Variants in PSMD7 observed in about 807,000 individuals in gnomAD.
PSMD7 encodes the protein 26S proteasome non-ATPase regulatory subunit 7.
In PSMD7, 13 loss-of-function variants were observed where a neutral mutation model predicts 36.4. The observed-to-expected ratio is 0.36, with a 90% confidence interval of 0.23 to 0.57. PSMD7 has a LOEUF of 0.57. Among genes scored for constraint, PSMD7 ranks in the 20% least tolerant of loss-of-function variants. PSMD7 has a pLI of 0.83. For synonymous variants in PSMD7, 186 were observed against 151.0 expected (o/e 1.23, Z -1.70); for missense variants, 298 against 393.6 (o/e 0.76, Z 2.06).
At chr16:74,299,365 A>T (rs1486748454) in intron 1 of PSMD7, among the ~76,000 whole-genome samples, 1 of 151,922 alleles carries the variant, frequency 6.6e-6, no homozygotes, top group Non-Finnish European at 1.5e-5. Flanking sequence ...AATCTTTCTC[A>T]TTCAGTCCTC....
At chr16:74,299,464 C>T (rs2034138844) in intron 1 of PSMD7, 1 of 406,108 alleles carries the variant, frequency 2.5e-6, no homozygotes, top group Non-Finnish European at 5.1e-6. Context: ...GCCTCAAACT[C>T]GACCTTCTGA....
In PSMD7 at chr16:74,305,854, C is replaced by A; in HGVS notation, c.*121C>A. The A allele has an allele frequency of 1.7e-6, 2 of 1,164,680 alleles. No individual in the cohort carries two copies. Among genetic ancestry groups the A allele is most frequent in the Non-Finnish European group, 2.3e-6 (2 of 888,880 alleles). The allele number at this position is 1,164,680 out of a possible 1,614,324, so 72.1% of individuals were successfully genotyped here. On this transcript the variant is annotated 3_prime_UTR_variant, in exon 7 of 7. Coordinates refer to ENST00000219313, the MANE Select transcript of PSMD7 (RefSeq NM_002811.5). ...TTAGAAAGCTGACCCAACAAGAGCT[C>A]TCTGCCTCCGGTCACTCTTGCTGTG...
intron 1 of PSMD7, among the ~76,000 whole-genome samples, chr16:74,298,806 A>G (rs1452928047): frequency 6.6e-6 from 1 of 152,144 alleles, no homozygotes; most frequent in Non-Finnish European, 1.5e-5. Context: ...TCTGAGAGGT[A>G]GAGGCTGCAG....
intron 2 of PSMD7, 115 bp from the exon 3 acceptor site, chr16:74,300,937 T>C: frequency 1.8e-6 from 1 of 542,426 alleles, no homozygotes; most frequent in Non-Finnish European, 3.2e-6. Context: ...TTTAATACTT[T>C]GCTGGGCAAG....
intron 2 of PSMD7, 155 bp downstream of exon 2, chr16:74,300,361 C>T (rs540482495): frequency 1.5e-6 from 1 of 665,022 alleles, no homozygotes; most frequent in African/African-American, 1.8e-5. Flanking sequence ...GCACACTAGA[C>T]CAGACAGTAA....
At chr16:74,301,733 G>C in intron 4 of PSMD7, 81 bp downstream of exon 4, 1 of 1,152,574 alleles carries the variant, frequency 8.7e-7, no homozygotes, top group Non-Finnish European at 1.3e-6. Flanking sequence ...GGAAGAATTT[G>C]AGTAGCAAAT....
In PSMD7 at chr16:74,305,500, G is replaced by A. The variant is rs2142566680; in HGVS notation, c.742G>A (p.Ala248Thr). The A allele has an allele frequency of 2.5e-6, 4 of 1,614,108 alleles. No individual in the cohort carries two copies. In the South Asian group the frequency reaches 3.3e-5, roughly 13 times the overall value. The change falls in exon 7 of 7, where the codon GCC (alanine) becomes ACC (threonine). Residue 248 changes from alanine to threonine, a missense_variant. Ala to Thr is a moderately conservative substitution (Grantham distance 58). Coordinates refer to ENST00000219313, the MANE Select transcript of PSMD7 (RefSeq NM_002811.5). ...TGTCAGCCTGCAGGAGTTCGTCAAG[G>A]CCTTTTACCTGAAGACCAATGACCA... ...PDVSLQEFVK[A>T]FYLKTNDQMV...
At chr16:74,299,586 T>C (rs1252458058) in intron 1 of PSMD7, 1 of 454,964 alleles carries the variant, frequency 2.2e-6, no homozygotes, top group Non-Finnish European at 4.4e-6. Flanking sequence ...GGTTTCGCCA[T>C]GTTGCCCACG....
At chr16:74,300,048 T>C in intron 1 of PSMD7, 67 bp from the exon 2 acceptor site, 1 of 1,318,714 alleles carries the variant, frequency 7.6e-7, no homozygotes, top group Non-Finnish European at 1.1e-6. Context: ...TCCCATTGAG[T>C]ATCTTATTGT....
At chr16:74,297,359 C>T (rs1320523166) in intron 1 of PSMD7, among the ~76,000 whole-genome samples, 1 of 149,910 alleles carries the variant, frequency 6.7e-6, no homozygotes, top group Non-Finnish European at 1.5e-5. Flanking sequence ...GTGTCTGTCA[C>T]TTCGTTTTGA....
At position 74,302,347 on chromosome 16, in the gene PSMD7, A is replaced by C. The variant is rs1054807895; in HGVS notation, c.438+55A>C. 5.7e-6 allele frequency: 8 copies of C among 1,396,500 alleles called. No homozygotes were observed. In the Admixed American group the frequency reaches 6.2e-5, roughly 11 times the overall value. The allele number at this position is 1,396,500 out of a possible 1,614,324, so 86.5% of individuals were successfully genotyped here. The stretch of plus-strand genomic sequence containing the variant: ...TTAGACTGCTACTTATTGGGTGATT[A>C]GCTTTTTTTTTTCAATTTTCAGGTC... On this transcript the variant is annotated intron_variant, in intron 5 of 6. Transcript: ENST00000219313.
intron 1 of PSMD7, among the ~76,000 whole-genome samples, chr16:74,298,689 C>A (rs1227126185): frequency 1.3e-5 from 2 of 151,988 alleles, no homozygotes; most frequent in Admixed American, 6.6e-5. Context: ...ATGGTGAAAC[C>A]CCTTCTCTAC....
At chr16:74,304,208 A>G in intron 5 of PSMD7, 95 bp from the exon 6 acceptor site, 1 of 1,078,696 alleles carries the variant, frequency 9.3e-7, no homozygotes, top group Non-Finnish European at 1.4e-6. Context: ...TCATTAAATG[A>G]GCTGACTTAA....
rs764226241 is a variant in PSMD7 at position 74,301,636 on chromosome 16, G to T, written c.341G>T (p.Arg114Ile). The change falls in exon 4 of 7, where the codon AGA (arginine) becomes ATA (isoleucine). Residue 114 changes from arginine to isoleucine, a missense_variant. Transcript: ENST00000219313. ...ATTGCCATCAACGAACTCATGAAAA[G>T]ATACTGTCCTAATTCCGTAAGTGGT... ...NDIAINELMK[R>I]YCPNSVLVII... 5.0e-6 allele frequency: 8 copies of T among 1,611,474 alleles called. No homozygotes were observed. The highest frequency in any genetic ancestry group is 4.5e-5 in the East Asian group (2 of 44,868).
chr16:74,300,372 A>T, intron 2 of PSMD7, 166 bp downstream of exon 2: 1 of 646,792 alleles, frequency 1.5e-6, no homozygotes, highest in South Asian at 1.9e-5. Context: ...CAGACAGTAA[A>T]TATTTTAAAC....
chr16:74,297,431 G>T (rs2034122378), intron 1 of PSMD7, among the ~76,000 whole-genome samples: 1 of 152,054 alleles, frequency 6.6e-6, no homozygotes, highest in South Asian at 2.1e-4. Context: ...AGCTTCATTT[G>T]GCTCTGACCC....
intron 1 of PSMD7, among the ~76,000 whole-genome samples, chr16:74,298,141 G>A (rs1392035462): frequency 1.5e-5 from 2 of 136,554 alleles, no homozygotes; most frequent in Non-Finnish European, 3.1e-5. Flanking sequence ...CTGGGTGAGA[G>A]TGAGACCCTG....
rs944250508 is a variant in PSMD7, at chr16:74,305,945, G to A, written c.*212G>A. 2.4e-5 allele frequency: 10 copies of A among 421,224 alleles called. No homozygotes were observed. Among genetic ancestry groups the A allele is most frequent in the Non-Finnish European group, 3.6e-5 (9 of 251,636 alleles). The allele number at this position is 421,224 out of a possible 1,614,324, so 26.1% of individuals were successfully genotyped here. ...ACTGCAGCTTTCGCTGCTGTGAGTT[G>A]GGGATATGATAGTCAGCTCAGGCTT... On this transcript the variant is annotated 3_prime_UTR_variant, in exon 7 of 7. Coordinates refer to ENST00000219313, the MANE Select transcript of PSMD7 (RefSeq NM_002811.5).
intron 1 of PSMD7, among the ~76,000 whole-genome samples, chr16:74,298,761 C>G (rs2034133883): frequency 6.6e-6 from 1 of 152,116 alleles, no homozygotes; most frequent in Non-Finnish European, 1.5e-5. Context: ...GGAGTCTCAG[C>G]TACTCGGGAG....
Sources: allele counts gnomAD v4.1 joint callset (sites outside exome capture counted in the v4.1 genomes callset), GRCh38; gene constraint gnomAD v4.1.1; transcripts MANE v1.5; gene names NCBI Gene and HGNC (gene_info 2026-07-23, HGNC 2026-07-21).